The following UBASH3A variants were observed in gnomAD, a reference collection of about 807,000 sequenced individuals.
UBASH3A encodes ubiquitin associated and SH3 domain containing A.
Under a neutral mutation model 73.5 loss-of-function variants are expected in UBASH3A, and 63 were observed. The observed-to-expected ratio is 0.86, with a 90% CI of 0.70 to 1.06. The LOEUF is 1.06. Ranked by LOEUF, UBASH3A falls within the 50% of genes least tolerant of loss-of-function variation. UBASH3A has a pLI of 0.00. For synonymous variants in UBASH3A, 363 were observed against 351.1 expected, an observed-to-expected ratio of 1.03 and a Z score of -0.38; for missense variants, 860 against 859.0, an observed-to-expected ratio of 1.00 and a Z score of -0.02.
At position 42,426,168 on chromosome 21, in the gene UBASH3A, C is replaced by T. The variant is rs144695525; in HGVS notation, c.1047-529C>T. On this transcript the variant is annotated intron_variant, in intron 7 of 14. Coordinates refer to ENST00000319294, the MANE Select transcript of UBASH3A (RefSeq NM_018961.4). The stretch of plus-strand genomic sequence containing the variant: ...TCCCCTTCCTCATGGGACCCCAGTT[C>T]GTTTCCTCTTAAGGCCTTCAACTGG... Among the ~76,000 whole-genome samples, 61 of 152,236 alleles carry T rather than the reference C, an allele frequency of 4.0e-4. No individual in the cohort carries two copies. In the East Asian group the frequency reaches 0.011, roughly 27 times the overall value.
intron 11 of UBASH3A, among the ~76,000 whole-genome samples, chr21:42,440,855 C>A (rs370764818): frequency 6.6e-6 from 1 of 152,238 alleles, no homozygotes; most frequent in Non-Finnish European, 1.5e-5. Context: ...AAGAATACGA[C>A]TGACTGAAAA....
chr21:42,433,282 G>A (rs894978114), intron 9 of UBASH3A, among the ~76,000 whole-genome samples: 2 of 152,106 alleles, frequency 1.3e-5, no homozygotes, highest in Non-Finnish European at 2.9e-5. Flanking sequence ...TATATTGCAG[G>A]GTTTAATAAA....
intron 7 of UBASH3A, among the ~76,000 whole-genome samples, chr21:42,419,496 A>T (rs1355569541): frequency 6.6e-6 from 1 of 152,178 alleles, no homozygotes; most frequent in Non-Finnish European, 1.5e-5. Context: ...CATGGGAAGG[A>T]TCCTCCTTGC....
chr21:42,421,587 T>G (rs2053339335), intron 7 of UBASH3A, among the ~76,000 whole-genome samples: 1 of 152,244 alleles, frequency 6.6e-6, no homozygotes, highest in African/African-American at 2.4e-5. Context: ...GTGCTGGACA[T>G]TTGCTGTGGA....
intron 6 of UBASH3A, among the ~76,000 whole-genome samples, chr21:42,417,144 T>G (rs1398896292): frequency 3.9e-5 from 6 of 151,970 alleles, no homozygotes; most frequent in Non-Finnish European, 5.9e-5. Flanking sequence ...AAAAGGAAGC[T>G]GGGTGTGGTG....
chr21:42,410,373 C>T (rs951472801), intron 3 of UBASH3A: 4 of 570,160 alleles, frequency 7.0e-6, no homozygotes, highest in South Asian at 2.3e-5. Context: ...TGATTTGTTC[C>T]ACCCATTTCA....
At position 42,403,980 on chromosome 21, in the gene UBASH3A, T is replaced by C; in HGVS notation, c.35T>C (p.Val12Ala). The change falls in exon 1 of 15, where the codon GTC becomes GCC. Residue 12 changes from valine (V) to alanine (A), a missense_variant. Val to Ala is a moderately conservative substitution (Grantham distance 64). Transcript: ENST00000319294. ...AAGETQLYAK[V>A]SNKLKSRSSP... ...GGGGAGACGCAGCTCTACGCCAAGG[T>C]CTCCAACAAGCTCAAGAGCCGCAGC... is the stretch of plus-strand genomic sequence containing the variant. 6.6e-7 allele frequency: 1 copy of C among 1,525,302 alleles called. No homozygotes were observed. Among genetic ancestry groups the C allele is most frequent in the Non-Finnish European group, 8.8e-7 (1 of 1,132,268 alleles). The allele number at this position is 1,525,302 out of a possible 1,614,324, so 94.5% of individuals were successfully genotyped here.
At position 42,433,956 on chromosome 21, in the gene UBASH3A, G is replaced by C. The variant is rs527809090; in HGVS notation, c.1271-876G>C. On this transcript the variant is annotated intron_variant, in intron 9 of 14. Transcript: ENST00000319294. ...CTCAGGAAGGTCAGTGTGGCTGCTGGAACCTCCTAATAACCAGGAGGCTTG... is the reference window on the plus strand; with the variant it reads ...CTCAGGAAGGTCAGTGTGGCTGCTGCAACCTCCTAATAACCAGGAGGCTTG... Among the ~76,000 whole-genome samples the C allele has an allele frequency of 2.6e-5, 4 of 152,248 alleles. No homozygotes were observed. The South Asian group carries it at 8.3e-4, about 32-fold the overall frequency.
At chr21:42,406,884 A>G (rs1258635753) in intron 2 of UBASH3A, among the ~76,000 whole-genome samples, 3 of 152,216 alleles carry the variant, frequency 2.0e-5, no homozygotes, top group African/African-American at 7.2e-5. Context: ...TGAGATAGAT[A>G]GGAGGATGTT....
At chr21:42,428,539 G>C (rs571002312) in intron 8 of UBASH3A, among the ~76,000 whole-genome samples, 1 of 152,246 alleles carries the variant, frequency 6.6e-6, no homozygotes, top group African/African-American at 2.4e-5. Context: ...GATTGAGCTA[G>C]TACCATGGAT....
At chr21:42,418,223 C>T (rs1006285179) in intron 6 of UBASH3A, among the ~76,000 whole-genome samples, 178 bp from the exon 7 acceptor site, 1 of 152,186 alleles carries the variant, frequency 6.6e-6, no homozygotes, top group Admixed American at 6.5e-5. Context: ...TTCTATGCTG[C>T]GTTTCATTAC....
chr21:42,428,234 T>C (rs1240522899), intron 8 of UBASH3A, among the ~76,000 whole-genome samples: 1 of 152,066 alleles, frequency 6.6e-6, no homozygotes, highest in Admixed American at 6.5e-5. Context: ...AGCTAAACAG[T>C]CAACCCACAC....
intron 7 of UBASH3A, among the ~76,000 whole-genome samples, chr21:42,420,789 C>G (rs1272355026): frequency 6.6e-6 from 1 of 152,148 alleles, no homozygotes; most frequent in Admixed American, 6.5e-5. Flanking sequence ...AAATGCCTTC[C>G]AACTGCATAA....
intron 12 of UBASH3A, among the ~76,000 whole-genome samples, chr21:42,442,986 C>G (rs1342335972): frequency 6.6e-6 from 1 of 152,108 alleles, no homozygotes. Flanking sequence ...ACACAGAAGC[C>G]CAAGGGTCAA....
At chr21:42,421,526 A>G (rs2053338111) in intron 7 of UBASH3A, among the ~76,000 whole-genome samples, 1 of 152,228 alleles carries the variant, frequency 6.6e-6, no homozygotes, top group Non-Finnish European at 1.5e-5. Context: ...TAAATCATTA[A>G]GTTGAACACA....
intron 3 of UBASH3A, among the ~76,000 whole-genome samples, chr21:42,412,655 C>A (rs1207178927): frequency 1.3e-5 from 2 of 152,158 alleles, no homozygotes. Flanking sequence ...TGCTAGAAAC[C>A]TCCAGAAGCC....
intron 6 of UBASH3A, chr21:42,417,493 T>A (rs956256862): frequency 6.6e-6 from 1 of 151,882 alleles, no homozygotes; most frequent in South Asian, 2.1e-4. Context: ...ATGTTTTGCT[T>A]ATTAATTCTT....
chr21:42,418,558 C>T lies in UBASH3A; in HGVS notation c.995C>T (p.Pro332Leu), dbSNP rs143116147. 33 of 1,614,152 alleles carry T rather than the reference C, an allele frequency of 2.0e-5. No homozygotes were observed. Among genetic ancestry groups the T allele is most frequent in the Middle Eastern group, 1.6e-4 (1 of 6,062 alleles). ...CGGACGGGCTGCCGGGGCTTCCTGC[C>T]GGAAAACTACACGGATCGAGCCAGT... ...SQRTGCRGFL[P>L]ENYTDRASES... is the part of the protein sequence containing the mutation. The change falls in exon 7 of 15, where the codon CCG (proline) becomes CTG (leucine). Residue 332 changes from proline (P) to leucine (L), a missense_variant. By Grantham distance (98) the Pro-to-Leu change is moderately conservative. Coordinates refer to ENST00000319294, the MANE Select transcript of UBASH3A (RefSeq NM_018961.4).
chr21:42,444,477 T>C, intron 13 of UBASH3A, 57 bp from the exon 14 acceptor site: 3 of 1,342,030 alleles, frequency 2.2e-6, no homozygotes, highest in Non-Finnish European at 3.2e-6. Flanking sequence ...GACCCCAGTC[T>C]AATAAAAGGT....
Sources: gnomAD v4.1 joint callset for allele counts (sites outside exome capture counted in the v4.1 genomes callset) on GRCh38, gnomAD v4.1.1 for gene constraint, MANE v1.5 for transcripts, NCBI Gene and HGNC (gene_info 2026-07-23, HGNC 2026-07-21) for gene names.